The following FUT2 variants were observed in gnomAD, a reference collection of about 807,000 sequenced individuals.
FUT2 encodes galactoside alpha-(1,2)-fucosyltransferase 2.
For missense variants in FUT2, 419 were observed against 465.8 expected (o/e 0.90, Z 0.93); for synonymous variants, 182 against 193.1 (o/e 0.94, Z 0.48).
rs955721149 is a variant in FUT2, at chr19:48,700,238, C to T, written c.-2-2717C>T. On this transcript the variant is annotated intron_variant, in intron 1 of 1. Transcript: ENST00000425340. The stretch of plus-strand genomic sequence containing the variant: ...CATACATATCACACAAGACTGCAAG[C>T]GGACCAGGGTCAGTTAATTTAGCGG... 6.6e-5 allele frequency among the ~76,000 whole-genome samples: 10 copies of T among 151,486 alleles called. No homozygotes were observed. In the South Asian group the frequency reaches 8.5e-4, roughly 13 times the overall value.
intron 1 of FUT2, among the ~76,000 whole-genome samples, chr19:48,697,009 G>A (rs1342735282): frequency 6.6e-6 from 1 of 152,020 alleles, no homozygotes; most frequent in Non-Finnish European, 1.5e-5. Flanking sequence ...GGCGCTGGGT[G>A]TAGGGGACAG....
rs972259484 is a variant in FUT2, at chr19:48,704,047, G to C, written c.*59G>C. 111 of 1,480,310 alleles carry C rather than the reference G, an allele frequency of 7.5e-5. No homozygotes were observed. The highest frequency in any genetic ancestry group is 9.1e-5 in the Non-Finnish European group (97 of 1,060,912). 91.7% of individuals were successfully genotyped at this position (1,480,310 alleles called of 1,614,324 possible). ...TCTGCCTCCCTCAAGATGAGTGCCC[G>C]GGCATGAGAAGCACATGGTTCCATG... On this transcript the variant is annotated 3_prime_UTR_variant, in exon 2 of 2. Coordinates refer to ENST00000425340, the MANE Select transcript of FUT2 (RefSeq NM_000511.6).
chr19:48,701,147 CTTTTCTTTTCTTTTT>C (rs1282761540), intron 1 of FUT2, among the ~76,000 whole-genome samples: 1 of 151,874 alleles, frequency 6.6e-6, no homozygotes, highest in Non-Finnish European at 1.5e-5. Flanking sequence ...ATTTTCTTTT[CTTTTCTTTTCTTTTT>C]TTGAAATGGA....
chr19:48,697,323 G>A (rs181536778), intron 1 of FUT2, among the ~76,000 whole-genome samples: 2 of 111,128 alleles, frequency 1.8e-5, no homozygotes, highest in East Asian at 6.6e-4. Flanking sequence ...CCAGCCTGGG[G>A]AACAAGAGCA....
At chr19:48,696,658 C>A (rs590017) in intron 1 of FUT2, 12,513 of 152,244 alleles carry the variant, frequency 0.082, 1,724 homozygotes, top group African/African-American at 0.29. Flanking sequence ...GATGGCCCTA[C>A]GTTATTGTCT....
At chr19:48,702,759 A>C (rs568217396) in intron 1 of FUT2, among the ~76,000 whole-genome samples, 196 bp from the exon 2 acceptor site, 38 of 152,138 alleles carry the variant, frequency 2.5e-4, no homozygotes, top group Non-Finnish European at 4.3e-4. Context: ...TATGAACACA[A>C]TGTAGACACA....
intron 1 of FUT2, among the ~76,000 whole-genome samples, chr19:48,698,023 G>A (rs1237962238): frequency 3.9e-5 from 5 of 129,122 alleles, no homozygotes; most frequent in East Asian, 2.2e-4. Context: ...TTTTTGAGAC[G>A]GAGTCTCACT....
At position 48,705,100 on chromosome 19, in the gene FUT2, CTTTTTCTTTTCT is replaced by C; in HGVS notation, c.*1118_*1129del. 3.4e-5 allele frequency: 6 copies of C among 174,944 alleles called. No homozygotes were observed. The highest frequency in any genetic ancestry group is 1.8e-4 in the African/African-American group (4 of 21,796). The allele number at this position is 174,944 out of a possible 1,614,324, so 10.8% of individuals were successfully genotyped here. ...CCCAGAGAGCTCACTGTTTTCTTTT[CTTTTTCTTTTCT>C]TTTTTTTTTTTTTTTTGAGATGGAG... On this transcript the variant is annotated 3_prime_UTR_variant, in exon 2 of 2. Transcript: ENST00000425340.
intron 1 of FUT2, among the ~76,000 whole-genome samples, chr19:48,700,134 CAG>C (rs1280297318): frequency 9.4e-6 from 1 of 106,620 alleles, no homozygotes; most frequent in Non-Finnish European, 1.7e-5. Flanking sequence ...GCCTGGGTGA[CAG>C]AGCAAGACTC....
Position 48,703,244 on chromosome 19 carries a change from G to A in FUT2, c.288G>A (p.Pro96=), listed in dbSNP as rs138685530. 3.2e-5 allele frequency: 52 copies of A among 1,612,896 alleles called. 1 individual carries two copies. Among genetic ancestry groups the A allele is most frequent in the African/African-American group, 1.1e-4 (8 of 74,894 alleles). ...TGAACGGGCGGCCCGCCTTCATCCCGGCCCAGATGCACAGCACCCTGGCCC... is the reference window on the plus strand; with the variant it reads ...TGAACGGGCGGCCCGCCTTCATCCCAGCCCAGATGCACAGCACCCTGGCCC... The part of the protein sequence containing the change: ...AKMNGRPAFI[P]AQMHSTLAPI... Residue 96 remains proline, a synonymous_variant, in exon 2 of 2, where the codon CCG becomes CCA. Coordinates refer to ENST00000425340, the MANE Select transcript of FUT2 (RefSeq NM_000511.6).
intron 1 of FUT2, among the ~76,000 whole-genome samples, chr19:48,702,070 A>G (rs1418844739): frequency 6.6e-6 from 1 of 152,020 alleles, no homozygotes; most frequent in East Asian, 1.9e-4. Context: ...GTGGACACCC[A>G]CATATGTACA....
chr19:48,698,912 CCT>C (rs1399050909), intron 1 of FUT2, among the ~76,000 whole-genome samples: 4 of 151,870 alleles, frequency 2.6e-5, no homozygotes, highest in Admixed American at 1.3e-4. Flanking sequence ...TCTAGTCCTG[CCT>C]CTCTCTGTGT....
chr19:48,700,660 C>T (rs371084009), intron 1 of FUT2, among the ~76,000 whole-genome samples: 4 of 152,100 alleles, frequency 2.6e-5, no homozygotes, highest in Non-Finnish European at 4.4e-5. Flanking sequence ...TATCATCTCA[C>T]GGTCCCAAAA....
rs747804092 is a variant in FUT2 at position 48,703,720 on chromosome 19, C to T, written c.764C>T (p.Thr255Ile). Residue 255 changes from threonine to isoleucine, a missense_variant, in exon 2 of 2, where the codon ACC becomes ATC. Thr to Ile is a moderately conservative substitution (Grantham distance 89). Transcript: ENST00000425340. ...GCCTGGTGTCGGGAGAACATTGACA[C>T]CTCCCACGGTGATGTGGTGTTTGCT... is the stretch of plus-strand genomic sequence containing the variant. Reference protein sequence around the residue: ...GMAWCRENIDTSHGDVVFAGD... With the variant: ...GMAWCRENIDISHGDVVFAGD... 4.3e-6 allele frequency: 7 copies of T among 1,613,542 alleles called. No homozygotes were observed. The African/African-American group carries it at 5.3e-5, about 12-fold the overall frequency.
chr19:48,700,117 C>T (rs2032483587), intron 1 of FUT2, among the ~76,000 whole-genome samples: 1 of 133,800 alleles, frequency 7.5e-6, no homozygotes, highest in Non-Finnish European at 1.5e-5. Flanking sequence ...GGCGCCACTG[C>T]ACTCCAGCCT....
chr19:48,702,472 A>G (rs1383450872), intron 1 of FUT2, among the ~76,000 whole-genome samples: 1 of 152,052 alleles, frequency 6.6e-6, no homozygotes, highest in Non-Finnish European at 1.5e-5. Context: ...AAGTGTATAT[A>G]TATACATATA....
intron 1 of FUT2, among the ~76,000 whole-genome samples, chr19:48,698,378 G>A (rs1418217630): frequency 7.9e-5 from 12 of 151,930 alleles, no homozygotes; most frequent in Non-Finnish European, 1.5e-4. Context: ...CCTGGGTAAG[G>A]AGGTAGGGAG....
At chr19:48,697,114 GA>G (rs1396936048) in intron 1 of FUT2, among the ~76,000 whole-genome samples, 23 of 151,958 alleles carry the variant, frequency 1.5e-4, no homozygotes, top group Non-Finnish European at 2.8e-4. Flanking sequence ...GGGAGGCCGA[GA>G]CAGGCGGATC....
intron 1 of FUT2, among the ~76,000 whole-genome samples, chr19:48,700,376 G>C (rs1436126939): frequency 6.6e-6 from 1 of 151,084 alleles, no homozygotes; most frequent in Non-Finnish European, 1.5e-5. Context: ...TCCCAGGCTG[G>C]AGTGCAGTGG....
Sources: gnomAD v4.1 joint callset for allele counts (sites outside exome capture counted in the v4.1 genomes callset) on GRCh38, gnomAD v4.1.1 for gene constraint, MANE v1.5 for transcripts, NCBI Gene and HGNC (gene_info 2026-07-23, HGNC 2026-07-21) for gene names.